LRRIQ1: variants seen among roughly 807,000 people sequenced by gnomAD.
LRRIQ1 encodes the protein leucine-rich repeat- and IQ domain-containing protein 1.
LRRIQ1 carries 210 observed loss-of-function variants against 211.9 expected under a neutral mutation model. The ratio of observed to expected loss-of-function variants is 0.99; its 90% CI spans 0.89 to 1.11. The LOEUF is 1.11. Ranked by LOEUF, LRRIQ1 falls within the 50% of genes most tolerant of loss-of-function variation. The probability of loss-of-function intolerance (pLI) is 0.00; values close to 1 mark genes in which losing one functional copy is unlikely to be tolerated. For missense variants in LRRIQ1, 2,136 were observed against 1,939.5 expected (o/e 1.10, Z -1.90); for synonymous variants, 699 against 650.1 (o/e 1.08, Z -1.14).
intron 26 of LRRIQ1, among the ~76,000 whole-genome samples, chr12:85,243,215 G>A (rs1235146122): frequency 6.9e-6 from 1 of 145,496 alleles, no homozygotes; most frequent in Non-Finnish European, 1.5e-5. Flanking sequence ...TTTTTTTTAA[G>A]GTTTACCATT....
At position 85,051,196 on chromosome 12, in the gene LRRIQ1, G is replaced by A. The variant is rs79875231; in HGVS notation, c.679-981G>A. Among the ~76,000 whole-genome samples, 58 of 148,710 alleles carry A rather than the reference G, an allele frequency of 3.9e-4. No individual in the cohort carries two copies. In the South Asian group the frequency reaches 0.011, roughly 29 times the overall value. Reference sequence around the variant, plus strand: ...TCCTCTCTCTCTCTCTCTCTCTCTCGCTCCCTCTCTTGCCATGTGACTCAC... The same window carrying A: ...TCCTCTCTCTCTCTCTCTCTCTCTCACTCCCTCTCTTGCCATGTGACTCAC... On this transcript the variant is annotated intron_variant, in intron 6 of 26. Coordinates refer to ENST00000393217, the MANE Select transcript of LRRIQ1 (RefSeq NM_001079910.2).
In LRRIQ1 at chr12:85,125,637, C is replaced by G. The variant is rs4761120; in HGVS notation, c.4007+1118C>G. Among the ~76,000 whole-genome samples, 1,101 of 152,156 alleles carry G rather than the reference C, an allele frequency of 7.2e-3. 23 individuals carry two copies. The highest frequency in any genetic ancestry group is 0.042 in the Admixed American group (644 of 15,278). On this transcript the variant is annotated intron_variant, in intron 17 of 26. Transcript: ENST00000393217. Reference sequence around the variant, plus strand: ...AGGGTAAAGAGTAATTTTTATTACTCTGGGAGCTAGGTTAAGTAATTTGAT... The same window carrying G: ...AGGGTAAAGAGTAATTTTTATTACTGTGGGAGCTAGGTTAAGTAATTTGAT...
chr12:85,272,607 T>TA, the LRRIQ1 span, among the ~76,000 whole-genome samples: 2 of 152,184 alleles, frequency 1.3e-5, no homozygotes, highest in Admixed American at 1.3e-4. Flanking sequence ...TTTGGTAACT[T>TA]AAAAATACTT....
At chr12:85,155,525 A>G (rs2136689965) in intron 23 of LRRIQ1, among the ~76,000 whole-genome samples, 1 of 151,770 alleles carries the variant, frequency 6.6e-6, no homozygotes, top group South Asian at 2.1e-4. Flanking sequence ...CATCTTCAGC[A>G]GTATCAAAAA....
intron 18 of LRRIQ1, among the ~76,000 whole-genome samples, chr12:85,136,699 A>G (rs534937923): frequency 3.0e-4 from 46 of 151,478 alleles, no homozygotes; most frequent in Admixed American, 6.6e-4. Context: ...CTCTTTCTGT[A>G]TATATATATA....
rs746176556 is a variant in LRRIQ1 at position 85,188,570 on chromosome 12, CAT to C, written c.4822+27859_4822+27860del. Among the ~76,000 whole-genome samples the C allele has an allele frequency of 8.0e-4, 122 of 152,232 alleles. No homozygotes were observed. The Middle Eastern group carries it at 0.02, about 25-fold the overall frequency. On this transcript the variant is annotated intron_variant, in intron 24 of 26. Coordinates refer to ENST00000393217, the MANE Select transcript of LRRIQ1 (RefSeq NM_001079910.2). ...ATTTGCAGAGTACTCATAAGACTGA[CAT>C]ATGTGTGACTGAAGCAGTAGTTAAA... is the stretch of plus-strand genomic sequence containing the variant.
intron 24 of LRRIQ1, among the ~76,000 whole-genome samples, chr12:85,214,302 C>T (rs1592980021): frequency 6.6e-6 from 1 of 152,098 alleles, no homozygotes; most frequent in Non-Finnish European, 1.5e-5. Flanking sequence ...TAACTTATGA[C>T]TACAATCTCA....
downstream of LRRIQ1, among the ~76,000 whole-genome samples, chr12:85,265,902 A>G (rs1426453233): frequency 3.3e-5 from 5 of 151,794 alleles, no homozygotes; most frequent in Non-Finnish European, 1.5e-5. Context: ...TGCAGAAAAT[A>G]ATTGGTAAGA....
Position 85,153,749 on chromosome 12 carries a change from C to G in LRRIQ1, c.4628C>G (p.Ser1543Ter), listed in dbSNP as rs1890379750. 6.4e-7 allele frequency: 1 copy of G among 1,551,630 alleles called. No individual in the cohort carries two copies. The highest frequency in any genetic ancestry group is 8.7e-7 in the Non-Finnish European group (1 of 1,143,702). The part of the protein sequence containing the change: ...LLKSEKEKKI[S>*]EEWGFKDIST... ...AAATCTGAAAAAGAAAAAAAAATTTCAGAAGAATGGTATGTAGTCAATTTG... is the reference window on the plus strand; with the variant it reads ...AAATCTGAAAAAGAAAAAAAAATTTGAGAAGAATGGTATGTAGTCAATTTG... Residue 1543 changes from serine to a stop codon, truncating the protein, a stop_gained, in exon 22 of 27, where the codon TCA becomes TGA. Transcript: ENST00000393217. LOFTEE classifies it high-confidence loss of function.
intron 1 of LRRIQ1, among the ~76,000 whole-genome samples, chr12:85,257,168 A>ATTATATATATTATATATTATTTTATATAT (rs2137322372): frequency 1.7e-5 from 2 of 115,064 alleles, no homozygotes; most frequent in Admixed American, 2.6e-4. Flanking sequence ...ATAATTATAT[A>ATTATATATATTATATATTATTTTATATAT]ATAATTATGT....
intron 18 of LRRIQ1, among the ~76,000 whole-genome samples, chr12:85,134,731 T>A (rs1348951665): frequency 1.3e-5 from 2 of 152,040 alleles, no homozygotes; most frequent in Non-Finnish European, 2.9e-5. Context: ...AGAAAAAAGA[T>A]AAGTGCACTA....
At chr12:85,111,478 C>G (rs556842376) in intron 15 of LRRIQ1, among the ~76,000 whole-genome samples, 3 of 152,198 alleles carry the variant, frequency 2.0e-5, no homozygotes, top group Non-Finnish European at 4.4e-5. Flanking sequence ...ATCACCAAAC[C>G]TACTTCACAA....
intron 14 of LRRIQ1, among the ~76,000 whole-genome samples, chr12:85,106,249 T>C (rs1426420308): frequency 1.3e-5 from 2 of 152,194 alleles, no homozygotes; most frequent in African/African-American, 4.8e-5. Flanking sequence ...ACACATTATC[T>C]CATTTAATCC....
chr12:85,163,299 A>T (rs1397282775), intron 24 of LRRIQ1, among the ~76,000 whole-genome samples: 1 of 152,144 alleles, frequency 6.6e-6, no homozygotes, highest in Non-Finnish European at 1.5e-5. Context: ...AAGATCTTTT[A>T]TTCCTTAAGA....
chr12:85,175,563 G>C (rs944244366), intron 24 of LRRIQ1, among the ~76,000 whole-genome samples: 1 of 152,142 alleles, frequency 6.6e-6, no homozygotes, highest in Non-Finnish European at 1.5e-5. Flanking sequence ...ACAATAATAA[G>C]ACATGAAGTC....
At chr12:85,228,414 G>A (rs1894773454) in intron 24 of LRRIQ1, among the ~76,000 whole-genome samples, 1 of 152,174 alleles carries the variant, frequency 6.6e-6, no homozygotes, top group Non-Finnish European at 1.5e-5. Flanking sequence ...AGCAACTATG[G>A]AAGAGTTGGC....
the LRRIQ1 span, among the ~76,000 whole-genome samples, chr12:85,270,633 T>A: frequency 1.2e-4 from 19 of 152,282 alleles, no homozygotes; most frequent in Middle Eastern, 6.8e-3. Flanking sequence ...TTTTTCTATG[T>A]CCATAATCCT....
intron 1 of LRRIQ1, among the ~76,000 whole-genome samples, chr12:85,250,900 TA>T (rs1565928869): frequency 4.5e-4 from 38 of 83,788 alleles, no homozygotes; most frequent in Middle Eastern, 4.2e-3. Flanking sequence ...ATATTTTATA[TA>T]TTATATATAA....
intron 15 of LRRIQ1, 29 bp from the exon 16 acceptor site, chr12:85,121,668 A>T: frequency 6.6e-7 from 1 of 1,513,834 alleles, no homozygotes; most frequent in Non-Finnish European, 8.9e-7. Context: ...CAAGATCAGG[A>T]TTATTAACTT....
Sources: gnomAD v4.1 joint callset for allele counts (sites outside exome capture counted in the v4.1 genomes callset) on GRCh38, gnomAD v4.1.1 for gene constraint, MANE v1.5 for transcripts, NCBI Gene and HGNC (gene_info 2026-07-23, HGNC 2026-07-21) for gene names.